OSBPL3: variants seen among roughly 807,000 people sequenced by gnomAD.
OSBPL3 encodes oxysterol binding protein like 3.
In OSBPL3, 65 loss-of-function variants were observed where a neutral mutation model predicts 120.1. The observed-to-expected ratio is 0.54, with a 90% CI of 0.44 to 0.67. The LOEUF (loss-of-function observed/expected upper bound fraction) is 0.67. OSBPL3 is among the 30% of genes least tolerant of loss of function. The pLI is 0.00. For synonymous variants in OSBPL3, 416 were observed against 402.6 expected (o/e 1.03, Z -0.40); for missense variants, 1,004 against 1,082.1 (o/e 0.93, Z 1.01).
chr7:24,815,236 T>A lies in OSBPL3; in HGVS notation c.2028-33A>T. 1 of 1,591,658 alleles carries A rather than the reference T, an allele frequency of 6.3e-7. No homozygotes were observed. ...GAAGGAAAAAGTAGAAGTACCAATT[T>A]CTAGAAGAGCCAGCAGCAAATGCAA... On this transcript the variant is annotated intron_variant, in intron 18 of 22. Coordinates refer to ENST00000313367, the MANE Select transcript of OSBPL3 (RefSeq NM_015550.4). The surrounding 1 kb of genome is among the most constrained non-coding windows in gnomAD (Gnocchi z 5.1).
Position 24,894,571 on chromosome 7 carries a change from G to A in OSBPL3, c.-149-1950C>T, listed in dbSNP as rs1028030969. 1.6e-4 allele frequency among the ~76,000 whole-genome samples: 24 copies of A among 152,178 alleles called. 1 individual carries two copies. The highest frequency in any genetic ancestry group is 4.3e-4 in the African/African-American group (18 of 41,458). On this transcript the variant is annotated intron_variant, in intron 1 of 22. Transcript: ENST00000313367. This position sits in a 1 kb window ranked among gnomAD's most constrained non-coding sequence, Gnocchi z 4.1. ...TGAAATGTGTGTCTGTGCTTGGGGC[G>A]GGGAGGGGGCATCCACTGCTATGGC...
Position 24,854,175 on chromosome 7 carries a change from C to T in OSBPL3, c.1028-1541G>A, listed in dbSNP as rs1243315452. 2.0e-5 allele frequency among the ~76,000 whole-genome samples: 3 copies of T among 152,080 alleles called. No homozygotes were observed. The highest frequency in any genetic ancestry group is 4.4e-5 in the Non-Finnish European group (3 of 68,010). On this transcript the variant is annotated intron_variant, in intron 10 of 22. Coordinates refer to ENST00000313367, the MANE Select transcript of OSBPL3 (RefSeq NM_015550.4). The surrounding 1 kb of genome is among the most constrained non-coding windows in gnomAD (Gnocchi z 4.1). ...TCTAAATTACTGATCGTGGCTATCA[C>T]ATTTGAATATTATCTTTCCAATCTC... is the stretch of plus-strand genomic sequence containing the variant.
At chr7:24,829,362 T>C (rs761760290) in intron 16 of OSBPL3, among the ~76,000 whole-genome samples, 2 of 152,252 alleles carry the variant, frequency 1.3e-5, no homozygotes, top group African/African-American at 2.4e-5. Flanking sequence ...ATTTCTTGTT[T>C]TAGCTTCTAA....
intron 1 of OSBPL3, among the ~76,000 whole-genome samples, chr7:24,962,835 A>G (rs574034551): frequency 1.4e-4 from 21 of 152,320 alleles, no homozygotes; most frequent in African/African-American, 5.1e-4. Flanking sequence ...CTTATGCTGG[A>G]TGAGTTTCTG....
intron 2 of OSBPL3, among the ~76,000 whole-genome samples, chr7:24,880,635 C>G (rs1375530302): frequency 6.6e-6 from 1 of 152,140 alleles, no homozygotes; most frequent in Non-Finnish European, 1.5e-5. Context: ...GAGTGTGACA[C>G]AGAATGAAGA....
intron 12 of OSBPL3, among the ~76,000 whole-genome samples, chr7:24,842,993 A>G (rs1797969611): frequency 6.6e-6 from 1 of 152,150 alleles, no homozygotes; most frequent in African/African-American, 2.4e-5. Flanking sequence ...TCCACCTACA[A>G]TGACTGCAAG....
At chr7:24,951,020 G>A (rs1286592718) in intron 1 of OSBPL3, among the ~76,000 whole-genome samples, 1 of 152,040 alleles carries the variant, frequency 6.6e-6, no homozygotes, top group South Asian at 2.1e-4. Flanking sequence ...ATATGATATT[G>A]TGTCAAAGCC....
chr7:24,865,236 A>C, intron 7 of OSBPL3, 106 bp downstream of exon 7: 3 of 1,171,928 alleles, frequency 2.6e-6, no homozygotes, highest in Non-Finnish European at 3.7e-6. Context: ...ATGGAAGGGA[A>C]TGTGGACAAG....
At position 24,946,482 on chromosome 7, in the gene OSBPL3, T is replaced by C. The variant is rs1019242811; in HGVS notation, c.-150+33404A>G. On this transcript the variant is annotated intron_variant, in intron 1 of 22. Coordinates refer to ENST00000313367, the MANE Select transcript of OSBPL3 (RefSeq NM_015550.4). This position sits in a 1 kb window ranked among gnomAD's most constrained non-coding sequence, Gnocchi z 4.3. ...TAAGTTTCCATTAGTTAAAAAAATG[T>C]GTTTAGGTAGAAGACTATATTTTAG... Among the ~76,000 whole-genome samples the C allele has an allele frequency of 1.3e-5, 2 of 152,176 alleles. No individual in the cohort carries two copies. The highest frequency in any genetic ancestry group is 2.9e-5 in the Non-Finnish European group (2 of 68,030).
In OSBPL3 at chr7:24,899,382, GGGATT is replaced by G. The variant is rs145308985; in HGVS notation, c.-149-6766_-149-6762del. Among the ~76,000 whole-genome samples the G allele has an allele frequency of 0.022, 3,394 of 152,302 alleles. 88 individuals are homozygous for G. The highest frequency in any genetic ancestry group is 0.14 in the East Asian group (709 of 5,182). On this transcript the variant is annotated intron_variant, in intron 1 of 22. Transcript: ENST00000313367. This position sits in a 1 kb window ranked among gnomAD's most constrained non-coding sequence, Gnocchi z 4.0. ...TTCTTACTGGGACTGTCAGGTCATA[GGGATT>G]TCTGAGAAGTTGGGCTTCCTTCTTT... is the stretch of plus-strand genomic sequence containing the variant.
In OSBPL3 at chr7:24,870,801, T is replaced by C. The variant is rs969598956; in HGVS notation, c.312A>G (p.Ser104=). ...TTGATGACTTCTTTACAGACATCAC[T>C]GAGAGCCCGACATCAATGCAGCCAT... ...KLHGCIDVGL[S]VMSVKKSSKC... is the part of the protein sequence containing the mutation. Residue 104 remains serine (S), a synonymous_variant, in exon 5 of 23, where the codon TCA becomes TCG. Coordinates refer to ENST00000313367, the MANE Select transcript of OSBPL3 (RefSeq NM_015550.4). 1.2e-6 allele frequency: 2 copies of C among 1,613,910 alleles called. No homozygotes were observed. Among genetic ancestry groups the C allele is most frequent in the Non-Finnish European group, 1.7e-6 (2 of 1,179,744 alleles).
Position 24,830,158 on chromosome 7 carries a change from T to C in OSBPL3, c.1884+610A>G, listed in dbSNP as rs1796191827. 6.6e-6 allele frequency among the ~76,000 whole-genome samples: 1 copy of C among 152,032 alleles called. No individual in the cohort carries two copies. Among genetic ancestry groups the C allele is most frequent in the Non-Finnish European group, 1.5e-5 (1 of 68,008 alleles). ...CTCTATGCTACTTCTATGGCAAGAGTGTGATGGAACCTTAGGCTGCATGAG... is the reference window on the plus strand; with the variant it reads ...CTCTATGCTACTTCTATGGCAAGAGCGTGATGGAACCTTAGGCTGCATGAG... On this transcript the variant is annotated intron_variant, in intron 16 of 22. Transcript: ENST00000313367. This position sits in a 1 kb window ranked among gnomAD's most constrained non-coding sequence, Gnocchi z 4.4.
At position 24,940,558 on chromosome 7, in the gene OSBPL3, G is replaced by A. The variant is rs752702142; in HGVS notation, c.-150+39328C>T. On this transcript the variant is annotated intron_variant, in intron 1 of 22. Coordinates refer to ENST00000313367, the MANE Select transcript of OSBPL3 (RefSeq NM_015550.4). The surrounding 1 kb of genome is among the most constrained non-coding windows in gnomAD (Gnocchi z 4.4). The stretch of plus-strand genomic sequence containing the variant: ...GATGGGAAAGACAGGGGCCGTGATG[G>A]AGGAAAGGGTATTTCAGAGATAACC... 2.6e-5 allele frequency among the ~76,000 whole-genome samples: 4 copies of A among 152,142 alleles called. No homozygotes were observed. The highest frequency in any genetic ancestry group is 9.7e-5 in the African/African-American group (4 of 41,440).
rs572539216 is a variant in OSBPL3, at chr7:24,937,770, T to A, written c.-150+42116A>T. Among the ~76,000 whole-genome samples the A allele has an allele frequency of 2.0e-5, 3 of 152,350 alleles. No individual in the cohort carries two copies. In the South Asian group the frequency reaches 6.2e-4, roughly 32 times the overall value. On this transcript the variant is annotated intron_variant, in intron 1 of 22. Coordinates refer to ENST00000313367, the MANE Select transcript of OSBPL3 (RefSeq NM_015550.4). This position sits in a 1 kb window ranked among gnomAD's most constrained non-coding sequence, Gnocchi z 4.0. ...TTGTTCCAAATGATATTGCCATTAA[T>A]AAAACATGAGCTCCCATCTTACATG...
At chr7:24,816,948 G>A (rs1794548538) in intron 17 of OSBPL3, among the ~76,000 whole-genome samples, 1 of 152,202 alleles carries the variant, frequency 6.6e-6, no homozygotes, top group Non-Finnish European at 1.5e-5. Flanking sequence ...CACACAGAGA[G>A]GCCCAGGCTA....
At chr7:24,882,636 A>C (rs760482693) in intron 2 of OSBPL3, among the ~76,000 whole-genome samples, 1 of 152,178 alleles carries the variant, frequency 6.6e-6, no homozygotes, top group Non-Finnish European at 1.5e-5. Context: ...GTAGTTCTTT[A>C]GTTCTTTGGG....
At chr7:24,923,495 G>C (rs1036153344) in intron 1 of OSBPL3, among the ~76,000 whole-genome samples, 2 of 152,230 alleles carry the variant, frequency 1.3e-5, no homozygotes, top group African/African-American at 4.8e-5. Flanking sequence ...CAGTAGATGG[G>C]TAGGACTGCC....
In OSBPL3 at chr7:24,803,773, A is replaced by G. The variant is rs886092685; in HGVS notation, c.2567+542T>C. ...GTGACAGAGCGAGACTCTGTATCAG[A>G]AAAAAAAAAAATTATATCTATTTTA... On this transcript the variant is annotated intron_variant, in intron 22 of 22. Transcript: ENST00000313367. The surrounding 1 kb of genome is among the most constrained non-coding windows in gnomAD (Gnocchi z 4.2). Among the ~76,000 whole-genome samples the G allele has an allele frequency of 8.1e-6, 1 of 124,012 alleles. No individual in the cohort carries two copies. The highest frequency in any genetic ancestry group is 2.0e-5 in the Non-Finnish European group (1 of 50,238). 81.4% of individuals were successfully genotyped at this position (124,012 alleles called of 152,430 possible). A position where few individuals can be genotyped will look rare whatever the true frequency, so the allele number is the denominator to read the frequency against.
At position 24,946,386 on chromosome 7, in the gene OSBPL3, G is replaced by A. The variant is rs1813734751; in HGVS notation, c.-150+33500C>T. Among the ~76,000 whole-genome samples the A allele has an allele frequency of 6.6e-6, 1 of 151,974 alleles. No individual in the cohort carries two copies. Among genetic ancestry groups the A allele is most frequent in the Non-Finnish European group, 1.5e-5 (1 of 68,002 alleles). On this transcript the variant is annotated intron_variant, in intron 1 of 22. Coordinates refer to ENST00000313367, the MANE Select transcript of OSBPL3 (RefSeq NM_015550.4). The surrounding 1 kb of genome is among the most constrained non-coding windows in gnomAD (Gnocchi z 4.3). ...AAACCAACTCGTATTTAAGAGAAGG[G>A]TACACAGACCTCACCTATCAATGAA...
Sources: gnomAD v4.1 joint callset for allele counts (sites outside exome capture counted in the v4.1 genomes callset) on GRCh38, gnomAD v4.1.1 for gene constraint, Gnocchi (gnomAD v3.1) non-coding constraint, MANE v1.5 for transcripts, NCBI Gene and HGNC (gene_info 2026-07-23, HGNC 2026-07-21) for gene names.